The following SPRING1 variants were observed in gnomAD, a reference collection of about 807,000 sequenced individuals.
SPRING1 encodes the protein SREBP regulating gene protein.
A neutral mutation model predicts 24.7 loss-of-function variants in SPRING1; 14 were observed. That is an observed-to-expected ratio of 0.57 (90% CI 0.37 to 0.88). The LOEUF (loss-of-function observed/expected upper bound fraction) is 0.88, where lower values mean the gene tolerates loss of function less well. SPRING1 is among the 40% of genes least tolerant of loss of function. The probability of loss-of-function intolerance (pLI) is 0.00; values close to 1 mark genes in which losing one functional copy is unlikely to be tolerated. For missense variants in SPRING1, 255 were observed against 268.4 expected (o/e 0.95, Z 0.35); for synonymous variants, 93 against 106.1 (o/e 0.88, Z 0.76).
rs780597452 is a variant in SPRING1, at chr12:116,717,797, T to C, written c.*13A>G. ...GCCTCCTCACCCAGGCTGGAGCAAG[T>C]CCGCTGCACCCGTCAAGCGGGGAAG... On this transcript the variant is annotated 3_prime_UTR_variant, in exon 5 of 5. Transcript: ENST00000261318. The surrounding 1 kb of genome is among the most constrained non-coding windows in gnomAD (Gnocchi z 4.2). The C allele has an allele frequency of 1.3e-6, 2 of 1,578,182 alleles. No homozygotes were observed. The highest frequency in any genetic ancestry group is 2.3e-5 in the South Asian group (2 of 87,090).
chr12:116,723,102 G>C lies in SPRING1; in HGVS notation c.233C>G (p.Ser78Cys). 6.2e-7 allele frequency: 1 copy of C among 1,612,714 alleles called. No homozygotes were observed. Among genetic ancestry groups the C allele is most frequent in the Non-Finnish European group, 8.5e-7 (1 of 1,180,040 alleles). ...CGTGATGAGGTGCTTCCCTTGAATG[G>C]AGTTGCGGCACTGATTGCTCGGACG... ...SSRPSNQCRN[S>C]IQGKHLITDE... The change falls in exon 2 of 5, where the codon TCC becomes TGC. Residue 78 changes from serine (S) to cysteine (C), a missense_variant. Transcript: ENST00000261318.
intron 2 of SPRING1, among the ~76,000 whole-genome samples, chr12:116,722,156 C>T (rs1354755600): frequency 6.6e-6 from 1 of 152,178 alleles, no homozygotes; most frequent in Non-Finnish European, 1.5e-5. Context: ...AGCGTAAGTT[C>T]TTACATGCTT....
chr12:116,719,687 C>A, intron 4 of SPRING1, 76 bp downstream of exon 4: 1 of 1,242,216 alleles, frequency 8.1e-7, no homozygotes, highest in South Asian at 1.3e-5. Flanking sequence ...CCAAAAGGAT[C>A]GACAGTGTGT....
intron 1 of SPRING1, among the ~76,000 whole-genome samples, chr12:116,730,032 C>A (rs1470606741): frequency 4.6e-5 from 7 of 152,272 alleles, no homozygotes; most frequent in African/African-American, 7.2e-5. Flanking sequence ...TCCCGAGTAG[C>A]TGGAACTACA....
intron 1 of SPRING1, among the ~76,000 whole-genome samples, chr12:116,737,203 G>A (rs1871268025): frequency 6.6e-6 from 1 of 152,108 alleles, no homozygotes; most frequent in South Asian, 2.1e-4. Context: ...CGGTGGGCAG[G>A]TCCCTCACCC....
In SPRING1 at chr12:116,717,987, A is replaced by C; in HGVS notation, c.535-94T>G. The C allele has an allele frequency of 2.8e-6, 3 of 1,068,866 alleles. No individual in the cohort carries two copies. Among genetic ancestry groups the C allele is most frequent in the Non-Finnish European group, 3.9e-6 (3 of 771,932 alleles). The allele number at this position is 1,068,866 out of a possible 1,614,324, so 66.2% of individuals were successfully genotyped here. On this transcript the variant is annotated intron_variant, in intron 4 of 4. Transcript: ENST00000261318. This position sits in a 1 kb window ranked among gnomAD's most constrained non-coding sequence, Gnocchi z 4.2. The stretch of plus-strand genomic sequence containing the variant: ...AGTGAGAGTGGATCGGGACTGTCAG[A>C]CTCTCCCTGCAGGGGGCTGGCCGAG...
chr12:116,721,411 G>A (rs571216854), intron 2 of SPRING1, among the ~76,000 whole-genome samples: 2 of 152,314 alleles, frequency 1.3e-5, no homozygotes, highest in East Asian at 3.9e-4. Flanking sequence ...AAGGAGACTT[G>A]CTGAAGTATA....
Position 116,737,792 on chromosome 12 carries a change from G to C in SPRING1, c.109C>G (p.Gln37Glu), listed in dbSNP as rs1009500501. 3.2e-6 allele frequency: 5 copies of C among 1,584,642 alleles called. No homozygotes were observed. The highest frequency in any genetic ancestry group is 4.3e-6 in the Non-Finnish European group (5 of 1,164,998). ...GGAGGGGAAGGGCGGCCACTGACCT[G>C]CTTGAAGGTGCTGCTGAGGAAGTAG... The part of the protein sequence containing the change: ...LVYFLSSTFK[Q>E]EERAVRDRNL... Residue 37 changes from glutamine (Q) to glutamate (E), a missense_variant and splice_region_variant, in exon 1 of 5, where the codon CAG becomes GAG. By Grantham distance (29) the Gln-to-Glu change is conservative. Coordinates refer to ENST00000261318, the MANE Select transcript of SPRING1 (RefSeq NM_024738.4).
intron 1 of SPRING1, among the ~76,000 whole-genome samples, chr12:116,727,212 C>CCG (rs1234624272): frequency 6.6e-6 from 1 of 152,144 alleles, no homozygotes; most frequent in Non-Finnish European, 1.5e-5. Flanking sequence ...GCTAAGGATG[C>CCG]AGAGATGAAC....
chr12:116,710,917 C>T lies in SPRING1; in HGVS notation c.*6893G>A, dbSNP rs1313470301. 6.6e-6 allele frequency: 1 copy of T among 151,930 alleles called. No individual in the cohort carries two copies. The highest frequency in any genetic ancestry group is 1.9e-4 in the East Asian group (1 of 5,172). The allele number at this position is 151,930 out of a possible 1,614,324, so 9.4% of individuals were successfully genotyped here. A position where few individuals can be genotyped will look rare whatever the true frequency, so the allele number is the denominator to read the frequency against. On this transcript the variant is annotated 3_prime_UTR_variant, in exon 5 of 5. Coordinates refer to ENST00000261318, the MANE Select transcript of SPRING1 (RefSeq NM_024738.4). ...AATTGACAAATGAGGAAACCAAAGC[C>T]GGAGAGGGTAATTTACTCAAGGTCA...
Position 116,716,887 on chromosome 12 carries a change from T to C in SPRING1, c.*923A>G, listed in dbSNP as rs575303932. On this transcript the variant is annotated 3_prime_UTR_variant, in exon 5 of 5. Transcript: ENST00000261318. ...TGCCTCAACGTTGGGTTTCTATTGA[T>C]AGAACAGGGGAGGAGGTTGCCTCTG... 1.3e-5 allele frequency: 2 copies of C among 152,316 alleles called. No individual in the cohort carries two copies. Among genetic ancestry groups the C allele is most frequent in the African/African-American group, 4.8e-5 (2 of 41,572 alleles). The allele number at this position is 152,316 out of a possible 1,614,324, so 9.4% of individuals were successfully genotyped here. A position where few individuals can be genotyped will look rare whatever the true frequency, so the allele number is the denominator to read the frequency against.
intron 2 of SPRING1, among the ~76,000 whole-genome samples, chr12:116,721,381 CAG>C (rs1210211488): frequency 6.6e-6 from 1 of 152,184 alleles, no homozygotes; most frequent in Non-Finnish European, 1.5e-5. Context: ...CCAAACACCC[CAG>C]CTTCTTCATC....
chr12:116,729,160 G>A (rs1323980751), intron 1 of SPRING1, among the ~76,000 whole-genome samples: 1 of 152,128 alleles, frequency 6.6e-6, no homozygotes, highest in Non-Finnish European at 1.5e-5. Flanking sequence ...TCCCTCGATG[G>A]AAGACAGCTG....
In SPRING1 at chr12:116,728,897, G is replaced by C. The variant is rs1250735633; in HGVS notation, c.112-5674C>G. ...AGGACAGCGGGGCTCAAAAGCCTTT[G>C]GTCCTGGAACCCTTTCTAATCTTAA... On this transcript the variant is annotated intron_variant, in intron 1 of 4. Coordinates refer to ENST00000261318, the MANE Select transcript of SPRING1 (RefSeq NM_024738.4). The surrounding 1 kb of genome is among the most constrained non-coding windows in gnomAD (Gnocchi z 4.2). Among the ~76,000 whole-genome samples the C allele has an allele frequency of 6.6e-6, 1 of 152,158 alleles. No homozygotes were observed. The highest frequency in any genetic ancestry group is 1.5e-5 in the Non-Finnish European group (1 of 68,036).
At position 116,723,153 on chromosome 12, in the gene SPRING1, A is replaced by C; in HGVS notation, c.182T>G (p.Val61Gly). The C allele has an allele frequency of 6.2e-7, 1 of 1,613,838 alleles. No individual in the cohort carries two copies. Among genetic ancestry groups the C allele is most frequent in the Non-Finnish European group, 8.5e-7 (1 of 1,180,034 alleles). Reference sequence around the variant, plus strand: ...ACTGCTATTGCCCAAGTTAAACTGCACTTTCCACGGGATGGGCTGATTATG... The same window carrying C: ...ACTGCTATTGCCCAAGTTAAACTGCCCTTTCCACGGGATGGGCTGATTATG... ...HDHNQPIPWK[V>G]QFNLGNSSRP... The change falls in exon 2 of 5, where the codon GTG becomes GGG. Residue 61 changes from valine to glycine, a missense_variant. By Grantham distance (109) the Val-to-Gly change is moderately radical. Coordinates refer to ENST00000261318, the MANE Select transcript of SPRING1 (RefSeq NM_024738.4).
rs888144474 is a variant in SPRING1, at chr12:116,737,976, C to T, written c.-76G>A. On this transcript the variant is annotated 5_prime_UTR_variant, in exon 1 of 5. Coordinates refer to ENST00000261318, the MANE Select transcript of SPRING1 (RefSeq NM_024738.4). ...CGGGTCCCGGGCGGCATGGCCCCTACGCGCCCGGCAGCCCCATCCCTCCAG... is the reference window on the plus strand; with the variant it reads ...CGGGTCCCGGGCGGCATGGCCCCTATGCGCCCGGCAGCCCCATCCCTCCAG... The T allele has an allele frequency of 3.3e-5, 41 of 1,225,378 alleles. No individual in the cohort carries two copies. Among genetic ancestry groups the T allele is most frequent in the Non-Finnish European group, 4.2e-5 (41 of 977,148 alleles). 75.9% of individuals were successfully genotyped at this position (1,225,378 alleles called of 1,614,324 possible).
intron 1 of SPRING1, among the ~76,000 whole-genome samples, chr12:116,725,686 C>T (rs977720031): frequency 2.0e-5 from 3 of 152,080 alleles, no homozygotes; most frequent in Non-Finnish European, 4.4e-5. Flanking sequence ...AAGATCGAGA[C>T]CATCCTGGCT....
intron 1 of SPRING1, among the ~76,000 whole-genome samples, chr12:116,726,859 C>A (rs1469299493): frequency 6.6e-6 from 1 of 152,212 alleles, no homozygotes; most frequent in Non-Finnish European, 1.5e-5. Context: ...AACAAGAGTT[C>A]ACAGTCAAGT....
chr12:116,729,923 G>A (rs1172982360), intron 1 of SPRING1, among the ~76,000 whole-genome samples: 2 of 151,648 alleles, frequency 1.3e-5, no homozygotes, highest in African/African-American at 2.4e-5. Flanking sequence ...TTTTTGAGAC[G>A]GAGTCTCGCT....
Sources: gnomAD v4.1 joint callset for allele counts (sites outside exome capture counted in the v4.1 genomes callset) on GRCh38, gnomAD v4.1.1 for gene constraint, Gnocchi (gnomAD v3.1) non-coding constraint, MANE v1.5 for transcripts, NCBI Gene and HGNC (gene_info 2026-07-23, HGNC 2026-07-21) for gene names.